EFNB2: variants seen among roughly 807,000 people sequenced by gnomAD.
EFNB2 encodes the protein ephrin B2.
A neutral mutation model predicts 32.1 loss-of-function variants in EFNB2; 5 were observed. That is an observed-to-expected ratio of 0.16 (90% confidence interval 0.08 to 0.33). The LOEUF (loss-of-function observed/expected upper bound fraction) is 0.33. Ranked by LOEUF, EFNB2 falls within the 10% of genes least tolerant of loss-of-function variation. The pLI, the probability that EFNB2 is intolerant of heterozygous loss-of-function variation, is 1.00. For synonymous variants in EFNB2, 168 were observed against 166.5 expected, an observed-to-expected ratio of 1.01 and a Z score of -0.07; for missense variants, 263 against 422.6, an observed-to-expected ratio of 0.62 and a Z score of 3.31.
chr13:106,510,100 T>C (rs1879091081), intron 2 of EFNB2: 1 of 152,196 alleles, frequency 6.6e-6, no homozygotes, highest in Non-Finnish European at 1.5e-5. Flanking sequence ...CAGGCTACCA[T>C]ATGCTTTTGC....
At chr13:106,509,777 T>A (rs967043437) in intron 2 of EFNB2, 2 of 152,220 alleles carry the variant, frequency 1.3e-5, no homozygotes, top group African/African-American at 4.8e-5. Flanking sequence ...TTTCTAAAAC[T>A]ATTTTAACAT....
chr13:106,517,379 C>G (rs994959671), intron 1 of EFNB2: 1 of 152,162 alleles, frequency 6.6e-6, no homozygotes, highest in Non-Finnish European at 1.5e-5. Context: ...AGAGAGGTGT[C>G]ATTTAATAAA....
rs1879642296 is a variant in EFNB2, at chr13:106,524,723, A to G, written c.122+10120T>C. ...TGCTCACAGTACTCTCTACTAGAAT[A>G]TACAAAATGAATTCAAAGAGCCTCC... On this transcript the variant is annotated intron_variant, in intron 1 of 4. Transcript: ENST00000646441. Among the ~76,000 whole-genome samples, 3 of 152,342 alleles carry G rather than the reference A, an allele frequency of 2.0e-5. No homozygotes were observed. The South Asian group carries it at 6.2e-4, about 32-fold the overall frequency.
intron 1 of EFNB2, among the ~76,000 whole-genome samples, chr13:106,530,080 C>T (rs1879824631): frequency 6.6e-6 from 1 of 152,188 alleles, no homozygotes; most frequent in Non-Finnish European, 1.5e-5. Context: ...ACAGGGGAGG[C>T]ATGTCAACGG....
chr13:106,493,262 C>T lies in EFNB2; in HGVS notation c.780G>A (p.Ser260=), dbSNP rs41275060. Reference sequence around the variant, plus strand: ...GCGACAGCGTGGTCGTGTGCTGCGGCGAGTGCTTCCTGTGTCTCCTCCGGT... The same window carrying T: ...GCGACAGCGTGGTCGTGTGCTGCGGTGAGTGCTTCCTGTGTCTCCTCCGGT... ...LKYRRRHRKH[S]PQHTTTLSLS... is the part of the protein sequence containing the mutation. The change falls in exon 5 of 5, where the codon TCG becomes TCA. Residue 260 remains serine (S), a synonymous_variant. Transcript: ENST00000646441. This position sits in a 1 kb window ranked among gnomAD's most constrained non-coding sequence, Gnocchi z 6.1. 34,918 of 1,614,152 alleles carry T rather than the reference C, an allele frequency of 0.022. 429 individuals are homozygous for T. The highest frequency in any genetic ancestry group is 0.026 in the Non-Finnish European group (30,179 of 1,180,026).
chr13:106,494,296 C>T (rs934825950), intron 4 of EFNB2, among the ~76,000 whole-genome samples: 3 of 152,196 alleles, frequency 2.0e-5, no homozygotes, highest in Non-Finnish European at 4.4e-5. Flanking sequence ...AAATACAGAA[C>T]TATTTGTTCC....
At chr13:106,532,968 T>C (rs1378719578) in intron 1 of EFNB2, among the ~76,000 whole-genome samples, 3 of 152,166 alleles carry the variant, frequency 2.0e-5, no homozygotes, top group Non-Finnish European at 4.4e-5. Flanking sequence ...GTATTTCTAA[T>C]TCTCCTACCG....
At position 106,535,654 on chromosome 13, in the gene EFNB2, A is replaced by C. The variant is rs1379473294; in HGVS notation, c.-690T>G. The C allele has an allele frequency of 6.7e-6, 1 of 150,182 alleles. No homozygotes were observed. The highest frequency in any genetic ancestry group is 1.5e-5 in the Non-Finnish European group (1 of 67,392). The allele number at this position is 150,182 out of a possible 1,614,324, so 9.3% of individuals were successfully genotyped here. A position where few individuals can be genotyped will look rare whatever the true frequency, so the allele number is the denominator to read the frequency against. ...GCCGGCGCCGCGGTCCCCGCCGAGGAGAGTCAGCGCGGCCGCCGCGCTGTC... is the reference window on the plus strand; with the variant it reads ...GCCGGCGCCGCGGTCCCCGCCGAGGCGAGTCAGCGCGGCCGCCGCGCTGTC... On this transcript the variant is annotated 5_prime_UTR_variant, in exon 1 of 5. Coordinates refer to ENST00000646441, the MANE Select transcript of EFNB2 (RefSeq NM_004093.4).
chr13:106,531,044 G>T (rs1043714734), intron 1 of EFNB2, among the ~76,000 whole-genome samples: 4 of 152,218 alleles, frequency 2.6e-5, no homozygotes, highest in African/African-American at 7.2e-5. Flanking sequence ...TTTAGCTTAA[G>T]TCAGAAGCCT....
At chr13:106,521,769 T>G (rs1265727232) in intron 1 of EFNB2, 2 of 152,026 alleles carry the variant, frequency 1.3e-5, no homozygotes, top group Non-Finnish European at 2.9e-5. Context: ...GCTTTTTTTT[T>G]TTTTCTTCAG....
chr13:106,529,455 C>T (rs180872945), intron 1 of EFNB2, among the ~76,000 whole-genome samples: 1 of 152,312 alleles, frequency 6.6e-6, no homozygotes, highest in African/African-American at 2.4e-5. Flanking sequence ...TGAAATCTAC[C>T]TTTGCCATAT....
intron 2 of EFNB2, among the ~76,000 whole-genome samples, chr13:106,509,453 A>T (rs943119903): frequency 1.3e-5 from 2 of 152,196 alleles, no homozygotes; most frequent in African/African-American, 4.8e-5. Context: ...GCTGAACTCA[A>T]ATGCTAATAT....
chr13:106,522,312 C>A (rs899836762), intron 1 of EFNB2, among the ~76,000 whole-genome samples: 1 of 152,162 alleles, frequency 6.6e-6, no homozygotes, highest in African/African-American at 2.4e-5. Context: ...TTTGTGTGCA[C>A]CTGTACGGTC....
chr13:106,492,729 G>A lies in EFNB2; in HGVS notation c.*311C>T. On this transcript the variant is annotated 3_prime_UTR_variant, in exon 5 of 5. Coordinates refer to ENST00000646441, the MANE Select transcript of EFNB2 (RefSeq NM_004093.4). This position sits in a 1 kb window ranked among gnomAD's most constrained non-coding sequence, Gnocchi z 5.1. ...CGTCCACAAACCACTGTCTTCCCTT[G>A]GCTTCTGCAGAGGCCTGAGTGACCG... 3.8e-6 allele frequency: 1 copy of A among 264,298 alleles called. No individual in the cohort carries two copies. The highest frequency in any genetic ancestry group is 7.3e-6 in the Non-Finnish European group (1 of 136,744). The allele number at this position is 264,298 out of a possible 1,614,324, so 16.4% of individuals were successfully genotyped here. A position where few individuals can be genotyped will look rare whatever the true frequency, so the allele number is the denominator to read the frequency against.
At chr13:106,494,500 C>T (rs1445444156) in intron 4 of EFNB2, among the ~76,000 whole-genome samples, 2 of 152,120 alleles carry the variant, frequency 1.3e-5, no homozygotes, top group Non-Finnish European at 2.9e-5. Context: ...CAATTAAACC[C>T]TCTGTGGCTT....
intron 1 of EFNB2, among the ~76,000 whole-genome samples, chr13:106,515,327 G>T (rs1641313864): frequency 6.6e-6 from 1 of 152,166 alleles, no homozygotes; most frequent in African/African-American, 2.4e-5. Flanking sequence ...CATTCAGTGT[G>T]TACTGTCCAA....
intron 2 of EFNB2, among the ~76,000 whole-genome samples, chr13:106,496,155 A>G (rs1216889541): frequency 6.6e-6 from 1 of 152,222 alleles, no homozygotes; most frequent in Admixed American, 6.5e-5. Flanking sequence ...TCCTTCAAAA[A>G]GTCTATGGAC....
intron 2 of EFNB2, among the ~76,000 whole-genome samples, chr13:106,504,708 T>C (rs1181692054): frequency 6.6e-6 from 1 of 152,300 alleles, no homozygotes; most frequent in South Asian, 2.1e-4. Flanking sequence ...TCCTCTGTAA[T>C]GAGATCAATT....
At chr13:106,519,620 A>T (rs1291571105) in intron 1 of EFNB2, 2 of 152,330 alleles carry the variant, frequency 1.3e-5, no homozygotes, top group Non-Finnish European at 2.9e-5. Flanking sequence ...AAATATACAC[A>T]TCAATAATAT....
Sources: gnomAD v4.1 joint callset for allele counts (sites outside exome capture counted in the v4.1 genomes callset) on GRCh38, gnomAD v4.1.1 for gene constraint, Gnocchi (gnomAD v3.1) non-coding constraint, MANE v1.5 for transcripts, NCBI Gene and HGNC (gene_info 2026-07-23, HGNC 2026-07-21) for gene names.